KIAA1328: variants seen among roughly 807,000 people sequenced by gnomAD.
KIAA1328 encodes the protein protein hinderin.
Under a neutral mutation model 68.1 loss-of-function variants are expected in KIAA1328, and 52 were observed. That is an observed-to-expected ratio of 0.76 (90% CI 0.61 to 0.96). The LOEUF (loss-of-function observed/expected upper bound fraction) is 0.96. Among genes scored for constraint, KIAA1328 ranks in the 40% least tolerant of loss-of-function variants. The pLI is 0.00. For synonymous variants in KIAA1328, 232 were observed against 239.4 expected (o/e 0.97, Z 0.28); for missense variants, 641 against 677.6 (o/e 0.95, Z 0.60).
chr18:37,171,471 A>G (rs547144164), intron 8 of KIAA1328, among the ~76,000 whole-genome samples: 32 of 152,074 alleles, frequency 2.1e-4, no homozygotes, highest in Non-Finnish European at 3.8e-4. Context: ...TGGCCTCCCA[A>G]CGTGCTCAGA....
chr18:36,968,732 G>A (rs934134673), intron 6 of KIAA1328, among the ~76,000 whole-genome samples: 1 of 152,154 alleles, frequency 6.6e-6, no homozygotes, highest in Non-Finnish European at 1.5e-5. Context: ...AGATCCTTAA[G>A]TCAGAAAATT....
intron 7 of KIAA1328, among the ~76,000 whole-genome samples, chr18:37,135,290 T>G (rs538270434): frequency 6.6e-6 from 1 of 152,314 alleles, no homozygotes; most frequent in East Asian, 1.9e-4. Flanking sequence ...CTTTCCACAG[T>G]GGCTGAACTA....
chr18:36,845,553 A>G (rs1422963285), intron 4 of KIAA1328, among the ~76,000 whole-genome samples: 1 of 151,804 alleles, frequency 6.6e-6, no homozygotes, highest in East Asian at 1.9e-4. Flanking sequence ...TTAATTATAA[A>G]GGAAGCTGCA....
intron 5 of KIAA1328, among the ~76,000 whole-genome samples, chr18:36,949,596 C>A (rs2051059289): frequency 5.3e-5 from 1 of 18,818 alleles, no homozygotes; most frequent in African/African-American, 1.5e-4. Context: ...TTCTACCCAG[C>A]TCCCCCCCCC....
chr18:36,880,851 A>G (rs2048305798), intron 4 of KIAA1328, among the ~76,000 whole-genome samples: 1 of 152,118 alleles, frequency 6.6e-6, no homozygotes, highest in South Asian at 2.1e-4. Context: ...TTTGTCCTTT[A>G]TTCTGTTAAC....
At chr18:36,834,110 G>A in intron 1 of KIAA1328, 2 of 765,978 alleles carry the variant, frequency 2.6e-6, no homozygotes, top group East Asian at 3.5e-5. Context: ...AACTTTTAGA[G>A]AATATTAATT....
intron 9 of KIAA1328, among the ~76,000 whole-genome samples, chr18:37,220,989 C>T (rs1219442143): frequency 6.6e-6 from 1 of 152,056 alleles, no homozygotes; most frequent in East Asian, 1.9e-4. Flanking sequence ...ACCATGCCCG[C>T]CTAATTTTTG....
Position 37,222,160 on chromosome 18 carries a change from TG to T in KIAA1328, c.1671del (p.Met558CysfsTer37). ...CCTCTAAAATCAACCCGGAAGAAGA[TG>T]GGGATGCACAGAACCCCTGAAGAGT... is the stretch of plus-strand genomic sequence containing the variant. ...LSPLKSTRKK[M>X]GMHRTPEELE... On this transcript the variant is annotated frameshift_variant, in exon 10 of 10. Transcript: ENST00000280020. LOFTEE classifies it high-confidence loss of function. 1 of 1,607,060 alleles carries T rather than the reference TG, an allele frequency of 6.2e-7. No homozygotes were observed. The highest frequency in any genetic ancestry group is 8.5e-7 in the Non-Finnish European group (1 of 1,176,438).
At chr18:36,905,470 T>C (rs559095645) in intron 5 of KIAA1328, among the ~76,000 whole-genome samples, 2 of 152,284 alleles carry the variant, frequency 1.3e-5, no homozygotes, top group Non-Finnish European at 2.9e-5. Context: ...CATGACTTTG[T>C]ATAGTCCACA....
intron 7 of KIAA1328, among the ~76,000 whole-genome samples, chr18:37,128,361 G>T (rs1272161148): frequency 6.6e-6 from 1 of 151,896 alleles, no homozygotes; most frequent in Admixed American, 6.6e-5. Context: ...GTAATCCCAG[G>T]TTCTCGGGAA....
At chr18:37,083,331 C>G (rs1287409183) in intron 7 of KIAA1328, among the ~76,000 whole-genome samples, 1 of 152,108 alleles carries the variant, frequency 6.6e-6, no homozygotes, top group African/African-American at 2.4e-5. Flanking sequence ...TAATTCCAAC[C>G]AGTTAGTTGG....
intron 6 of KIAA1328, among the ~76,000 whole-genome samples, chr18:36,995,803 G>T (rs990250992): frequency 1.3e-5 from 2 of 152,168 alleles, no homozygotes; most frequent in Admixed American, 6.5e-5. Context: ...CTTTTCTAGG[G>T]TGTAGGAAAG....
intron 7 of KIAA1328, among the ~76,000 whole-genome samples, chr18:37,090,921 G>A (rs2057249053): frequency 6.6e-6 from 1 of 152,086 alleles, no homozygotes. Flanking sequence ...AGAACATCGG[G>A]GAGGAGGATG....
intron 7 of KIAA1328, among the ~76,000 whole-genome samples, chr18:37,095,748 TAAC>T (rs2057386248): frequency 1.1e-5 from 1 of 87,960 alleles, no homozygotes; most frequent in African/African-American, 1.4e-4. Flanking sequence ...GATAAACCAC[TAAC>T]TAAGACTAAC....
chr18:36,972,354 G>T (rs889052429), intron 6 of KIAA1328, among the ~76,000 whole-genome samples: 1 of 152,022 alleles, frequency 6.6e-6, no homozygotes, highest in Non-Finnish European at 1.5e-5. Context: ...TCTTCTTTAG[G>T]TGCAGTGTTT....
intron 6 of KIAA1328, among the ~76,000 whole-genome samples, chr18:36,973,179 A>G (rs2052303038): frequency 6.6e-6 from 1 of 152,158 alleles, no homozygotes; most frequent in Admixed American, 6.5e-5. Context: ...TTATGGGGAC[A>G]TGGATGAAGC....
At chr18:36,933,427 C>T (rs1439141743) in intron 5 of KIAA1328, among the ~76,000 whole-genome samples, 1 of 152,164 alleles carries the variant, frequency 6.6e-6, no homozygotes, top group African/African-American at 2.4e-5. Context: ...CCACGGGGCC[C>T]TCTTGGGTAG....
chr18:37,122,426 A>G (rs182415150), intron 7 of KIAA1328, among the ~76,000 whole-genome samples: 1 of 152,108 alleles, frequency 6.6e-6, no homozygotes. Flanking sequence ...ACTTAGAGTC[A>G]AAGGTGGGTT....
chr18:36,978,507 T>A (rs2052560139), intron 6 of KIAA1328, among the ~76,000 whole-genome samples: 1 of 152,244 alleles, frequency 6.6e-6, no homozygotes, highest in South Asian at 2.1e-4. Context: ...TCAGGCCAGC[T>A]ATGGTAACTC....
Sources: allele counts gnomAD v4.1 joint callset (sites outside exome capture counted in the v4.1 genomes callset), GRCh38; gene constraint gnomAD v4.1.1; transcripts MANE v1.5; gene names NCBI Gene and HGNC (gene_info 2026-07-23, HGNC 2026-07-21).